The following DYM variants were observed in gnomAD, a reference collection of about 807,000 sequenced individuals.
DYM encodes the protein dyggve-Melchior-Clausen syndrome protein.
In DYM, 78 loss-of-function variants were observed where a neutral mutation model predicts 93.1. That is an observed-to-expected ratio of 0.84 (90% CI 0.70 to 1.01). DYM has a LOEUF of 1.01. Among genes scored for constraint, DYM ranks in the 50% least tolerant of loss-of-function variants. The probability of loss-of-function intolerance (pLI) is 0.00; values close to 1 mark genes in which losing one functional copy is unlikely to be tolerated. For missense variants in DYM, 789 were observed against 845.0 expected, an observed-to-expected ratio of 0.93 and a Z score of 0.82; for synonymous variants, 321 against 319.7, an observed-to-expected ratio of 1.00 and a Z score of -0.04.
intron 8 of DYM, among the ~76,000 whole-genome samples, chr18:49,304,721 T>C (rs1329594793): frequency 6.6e-6 from 1 of 152,220 alleles, no homozygotes; most frequent in East Asian, 1.9e-4. Context: ...CGTTTCTTGC[T>C]CGAGTCATCT....
At chr18:49,067,639 C>A (rs889688259) in intron 17 of DYM, among the ~76,000 whole-genome samples, 1 of 152,106 alleles carries the variant, frequency 6.6e-6, no homozygotes, top group African/African-American at 2.4e-5. Flanking sequence ...GAGGGATCAA[C>A]GTTATCCTGA....
At chr18:49,289,216 T>C (rs1382986798) in intron 8 of DYM, among the ~76,000 whole-genome samples, 3 of 151,950 alleles carry the variant, frequency 2.0e-5, no homozygotes, top group African/African-American at 7.3e-5. Flanking sequence ...TGTATAAACC[T>C]TGAGTCAGGG....
chr18:49,344,778 T>A (rs1346245703), intron 6 of DYM, among the ~76,000 whole-genome samples: 1 of 152,070 alleles, frequency 6.6e-6, no homozygotes, highest in Non-Finnish European at 1.5e-5. Flanking sequence ...AAGGTTTAAA[T>A]CTAAAAAGAA....
chr18:49,292,293 AAC>A (rs1256493087), intron 8 of DYM, among the ~76,000 whole-genome samples: 1 of 141,814 alleles, frequency 7.1e-6, no homozygotes, highest in Non-Finnish European at 1.5e-5. Context: ...TGAATCCACC[AAC>A]ACAGACAGAC....
chr18:49,418,956 A>G (rs1488779540), intron 2 of DYM, among the ~76,000 whole-genome samples: 5 of 152,112 alleles, frequency 3.3e-5, no homozygotes, highest in African/African-American at 1.2e-4. Context: ...GTGGGAAGAA[A>G]CCTTTATAAA....
chr18:49,177,371 GAGTACCT>G (rs2089496635), intron 14 of DYM, among the ~76,000 whole-genome samples: 2 of 152,178 alleles, frequency 1.3e-5, no homozygotes, highest in East Asian at 3.8e-4. Context: ...AAATGCTGCA[GAGTACCT>G]ATAACTACGT....
At chr18:49,242,450 T>G (rs959914721) in intron 13 of DYM, among the ~76,000 whole-genome samples, 1 of 152,102 alleles carries the variant, frequency 6.6e-6, no homozygotes, top group African/African-American at 2.4e-5. Flanking sequence ...TAAAGTAATC[T>G]GAGTATTTCA....
At chr18:49,086,463 GC>G (rs1242886717) in intron 17 of DYM, among the ~76,000 whole-genome samples, 3 of 152,060 alleles carry the variant, frequency 2.0e-5, no homozygotes, top group Non-Finnish European at 4.4e-5. Flanking sequence ...CACTTTAAAG[GC>G]CCCACCTCTC....
chr18:49,291,316 T>C (rs2060098125), intron 8 of DYM, among the ~76,000 whole-genome samples: 2 of 152,352 alleles, frequency 1.3e-5, no homozygotes, highest in African/African-American at 4.8e-5. Flanking sequence ...AGTGTGAACA[T>C]CTGTTCATTT....
chr18:49,303,544 G>A (rs1404359413), intron 8 of DYM, among the ~76,000 whole-genome samples: 1 of 152,120 alleles, frequency 6.6e-6, no homozygotes, highest in Non-Finnish European at 1.5e-5. Flanking sequence ...TTCAGTGTAT[G>A]GAATGATTAA....
chr18:49,116,872 A>C (rs907209856), intron 16 of DYM, among the ~76,000 whole-genome samples: 3 of 152,206 alleles, frequency 2.0e-5, no homozygotes, highest in African/African-American at 7.2e-5. Context: ...TCATAATCTT[A>C]TTAACACTGA....
chr18:49,050,275 G>C (rs1480491896), intron 17 of DYM, among the ~76,000 whole-genome samples: 1 of 151,422 alleles, frequency 6.6e-6, no homozygotes. Context: ...ATTTTTAGTA[G>C]AGACGGGGTT....
chr18:49,400,883 T>C (rs375546079), intron 2 of DYM, among the ~76,000 whole-genome samples: 4 of 152,324 alleles, frequency 2.6e-5, no homozygotes, highest in South Asian at 4.1e-4. Context: ...CTATGCACAA[T>C]GCTGTTTTAG....
chr18:49,427,654 A>G (rs890645218), intron 2 of DYM, among the ~76,000 whole-genome samples: 3 of 152,210 alleles, frequency 2.0e-5, no homozygotes, highest in African/African-American at 7.2e-5. Context: ...CCCAGTGTCT[A>G]TTAATTTCTG....
chr18:49,325,564 T>C (rs2062820583), intron 8 of DYM, among the ~76,000 whole-genome samples: 1 of 152,038 alleles, frequency 6.6e-6, no homozygotes, highest in East Asian at 1.9e-4. Context: ...CTAACAAAAT[T>C]GAATCTCACT....
intron 5 of DYM, among the ~76,000 whole-genome samples, chr18:49,374,924 A>C (rs544122498): frequency 7.3e-5 from 11 of 150,672 alleles, no homozygotes; most frequent in Non-Finnish European, 1.5e-4. Context: ...GTTCCATTGC[A>C]CTCCAACCAG....
chr18:49,333,493 C>T (rs1300157477), intron 7 of DYM, among the ~76,000 whole-genome samples: 1 of 152,116 alleles, frequency 6.6e-6, no homozygotes, highest in African/African-American at 2.4e-5. Context: ...TTCAATTCTA[C>T]GAAGCAACCA....
chr18:49,164,809 G>C (rs894949168), intron 14 of DYM, among the ~76,000 whole-genome samples: 4 of 152,214 alleles, frequency 2.6e-5, no homozygotes, highest in Admixed American at 2.0e-4. Context: ...TGAACATTTA[G>C]TTGAATGCTT....
intron 13 of DYM, among the ~76,000 whole-genome samples, chr18:49,243,266 C>T (rs1351152965): frequency 2.6e-5 from 4 of 152,132 alleles, no homozygotes; most frequent in African/African-American, 9.7e-5. Context: ...GTGTGAATTG[C>T]CAATGCCTGG....
Sources: gnomAD v4.1 joint callset for allele counts (sites outside exome capture counted in the v4.1 genomes callset) on GRCh38, gnomAD v4.1.1 for gene constraint, MANE v1.5 for transcripts, NCBI Gene and HGNC (gene_info 2026-07-23, HGNC 2026-07-21) for gene names.